TTC19: variants seen among roughly 807,000 people sequenced by gnomAD.
The protein encoded by TTC19 is tetratricopeptide repeat domain 19, also known as tetratricopeptide repeat protein 19, mitochondrial.
TTC19 carries 38 observed loss-of-function variants against 49.5 expected under a neutral mutation model. The ratio of observed to expected loss-of-function variants is 0.77; its 90% CI spans 0.59 to 1.01. The LOEUF is 1.01. Among genes scored for constraint, TTC19 ranks in the 50% least tolerant of loss-of-function variants. The probability of loss-of-function intolerance (pLI) is 0.00; values close to 1 mark genes in which losing one functional copy is unlikely to be tolerated. For missense variants in TTC19, 475 were observed against 477.7 expected (o/e 0.99, Z 0.05); for synonymous variants, 204 against 185.2 (o/e 1.10, Z -0.83).
At chr17:16,016,682 C>G (rs900670071) in intron 7 of TTC19, among the ~76,000 whole-genome samples, 7 of 151,636 alleles carry the variant, frequency 4.6e-5, no homozygotes, top group Admixed American at 4.6e-4. Flanking sequence ...TTCAGCCTCC[C>G]GAGTAGCTGG....
rs200590195 is a variant in TTC19, at chr17:16,003,904, G to A, written c.519+17G>A. On this transcript the variant is annotated intron_variant, in intron 5 of 9. Coordinates refer to ENST00000261647, the MANE Select transcript of TTC19 (RefSeq NM_017775.4). ...ATGAAGCAGGTAAGGACATTGCCTA[G>A]TATTGGCCCCTCACTGAAGCAGTTT... 6.8e-6 allele frequency: 11 copies of A among 1,612,598 alleles called. No individual in the cohort carries two copies. In the African/African-American group the frequency reaches 1.3e-4, roughly 20 times the overall value.
intron 2 of TTC19, among the ~76,000 whole-genome samples, chr17:16,041,502 C>CT (rs2057616335): frequency 6.7e-6 from 1 of 149,078 alleles, no homozygotes; most frequent in East Asian, 1.9e-4. Flanking sequence ...CAACCTCTGC[C>CT]TCCTGGGTTC....
chr17:16,031,504 T>A (rs1971989846), downstream of TTC19: 6 of 205,102 alleles, frequency 2.9e-5, no homozygotes, highest in East Asian at 4.5e-4. Context: ...AAATTACCAG[T>A]GTGCGTAACA....
Position 16,025,077 on chromosome 17 carries a change from A to G in TTC19, c.737A>G (p.Tyr246Cys). 1 of 1,613,896 alleles carries G rather than the reference A, an allele frequency of 6.2e-7. No individual in the cohort carries two copies. The highest frequency in any genetic ancestry group is 8.5e-7 in the Non-Finnish European group (1 of 1,179,822). Residue 246 changes from tyrosine (Y) to cysteine (C), a missense_variant, in exon 8 of 10, where the codon TAC (tyrosine) becomes TGC (cysteine). Coordinates refer to ENST00000261647, the MANE Select transcript of TTC19 (RefSeq NM_017775.4). Reference protein sequence around the residue: ...LGMCLDACARYLLFSKQPSQA... With the variant: ...LGMCLDACARCLLFSKQPSQA... ...ATGTGCTTAGACGCCTGTGCTCGCT[A>G]CCTTCTGTTCTCCAAGCAGCCGTCA...
At chr17:16,030,435 T>A, downstream of TTC19, 1 of 210,070 alleles carries the variant, frequency 4.8e-6, no homozygotes, top group Non-Finnish European at 9.7e-6. Flanking sequence ...TCATAATCTC[T>A]TTTATGGTAG....
downstream of TTC19, chr17:16,030,384 T>G (rs1971815174): frequency 4.7e-6 from 1 of 214,954 alleles, no homozygotes; most frequent in Non-Finnish European, 9.4e-6. Flanking sequence ...GTATTCTGAC[T>G]CAGAATAGCT....
chr17:16,028,639 G>C lies in TTC19; in HGVS notation c.*1117G>C. 1 of 453,724 alleles carries C rather than the reference G, an allele frequency of 2.2e-6. No homozygotes were observed. The highest frequency in any genetic ancestry group is 2.4e-5 in the Admixed American group (1 of 42,520). 28.1% of individuals were successfully genotyped at this position (453,724 alleles called of 1,614,324 possible). A position where few individuals can be genotyped will look rare whatever the true frequency, so the allele number is the denominator to read the frequency against. Reference sequence around the variant, plus strand: ...TTTTAGCCATTTACCTAAGGAAAAAGACAGTTTTTCTAGGTACCATGAAGG... The same window carrying C: ...TTTTAGCCATTTACCTAAGGAAAAACACAGTTTTTCTAGGTACCATGAAGG... On this transcript the variant is annotated 3_prime_UTR_variant, in exon 10 of 10. Coordinates refer to ENST00000261647, the MANE Select transcript of TTC19 (RefSeq NM_017775.4).
At chr17:16,007,516 A>C (rs1222275282) in intron 7 of TTC19, among the ~76,000 whole-genome samples, 2 of 152,124 alleles carry the variant, frequency 1.3e-5, no homozygotes, top group Non-Finnish European at 2.9e-5. Context: ...GCACTTTATG[A>C]CTTCTCTTTG....
Position 16,027,591 on chromosome 17 carries a change from G to C in TTC19, c.*69G>C, listed in dbSNP as rs1318062899. 3 of 1,569,108 alleles carry C rather than the reference G, an allele frequency of 1.9e-6. No homozygotes were observed. In the East Asian group the frequency reaches 6.8e-5, roughly 35 times the overall value. Reference sequence around the variant, plus strand: ...AATAGCTATCATTCCTGTCTCTGTGGCACCCGATCAATGGCTTAAATCTGT... The same window carrying C: ...AATAGCTATCATTCCTGTCTCTGTGCCACCCGATCAATGGCTTAAATCTGT... On this transcript the variant is annotated 3_prime_UTR_variant, in exon 10 of 10. Coordinates refer to ENST00000261647, the MANE Select transcript of TTC19 (RefSeq NM_017775.4).
intron 7 of TTC19, among the ~76,000 whole-genome samples, chr17:16,018,682 T>G (rs995602438): frequency 1.3e-5 from 2 of 151,912 alleles, no homozygotes; most frequent in African/African-American, 4.8e-5. Context: ...AATTTCCGGA[T>G]TTTTTCATAG....
At chr17:16,030,493 G>GA (rs553006446), downstream of TTC19, 1,091 of 181,284 alleles carry the variant, frequency 6.0e-3, no homozygotes, top group East Asian at 0.013. Context: ...ACCAGTACCT[G>GA]AAAAAAAAAA....
chr17:16,026,524 T>C lies in TTC19; in HGVS notation c.832-16T>C. 1 of 1,613,330 alleles carries C rather than the reference T, an allele frequency of 6.2e-7. No individual in the cohort carries two copies. Among genetic ancestry groups the C allele is most frequent in the Non-Finnish European group, 8.5e-7 (1 of 1,179,732 alleles). On this transcript the variant is annotated splice_polypyrimidine_tract_variant and intron_variant, in intron 8 of 9. Transcript: ENST00000261647. ...CATGTTTTTAAAGAAAAAATTGTTT[T>C]TTCTTTTACATACAGACCATTGTGC...
At chr17:16,034,097 TCTTAGAAGTGG>T (rs200658349), downstream of TTC19, among the ~76,000 whole-genome samples, 1,551 of 152,338 alleles carry the variant, frequency 0.01, 32 homozygotes, top group African/African-American at 0.035. Context: ...GGTGAAGTAC[TCTTAGAAGTGG>T]CATGGGTACA....
At position 16,026,200 on chromosome 17, in the gene TTC19, C is replaced by G. The variant is rs1971551610; in HGVS notation, c.832-340C>G. 2.0e-5 allele frequency among the ~76,000 whole-genome samples: 3 copies of G among 152,188 alleles called. No individual in the cohort carries two copies. The South Asian group carries it at 6.2e-4, about 32-fold the overall frequency. On this transcript the variant is annotated intron_variant, in intron 8 of 9. Transcript: ENST00000261647. ...ATCAAACCATAGGAGGCTGGCTTCT[C>G]AAAGTTGCTCAGCCTTAAAGGAGAT... is the stretch of plus-strand genomic sequence containing the variant.
intron 7 of TTC19, among the ~76,000 whole-genome samples, chr17:16,007,696 T>C (rs1161785413): frequency 6.6e-6 from 1 of 152,228 alleles, no homozygotes; most frequent in Non-Finnish European, 1.5e-5. Flanking sequence ...TGGACAAAGA[T>C]GATTCATGTC....
rs577733019 is a variant in TTC19 at position 16,004,226 on chromosome 17, C to T, written c.545C>T (p.Ser182Phe). The T allele has an allele frequency of 5.0e-6, 8 of 1,614,224 alleles. No homozygotes were observed. The South Asian group carries it at 7.7e-5, about 16-fold the overall frequency. ...KQEDNAIIEISLKLASIYAAQ... is the reference protein window; with the variant it reads ...KQEDNAIIEIFLKLASIYAAQ... ...GAGGACAATGCAATAATTGAAATTT[C>T]CCTAAAGCTGGCCAGTATCTATGCT... Residue 182 changes from serine to phenylalanine, a missense_variant, in exon 6 of 10, where the codon TCC becomes TTC. Physicochemically the swap from Ser to Phe is radical, Grantham distance 155. Transcript: ENST00000261647.
chr17:16,000,110 TC>T lies in TTC19; in HGVS notation c.185-5del, dbSNP rs1970671567. ...CGGGCCCGATGACCTCAGAGCCCCT[TC>T]CCGCAGCGCTCGCCTGGTTCTCGAG... On this transcript the variant is annotated splice_region_variant and splice_polypyrimidine_tract_variant and intron_variant, in intron 1 of 9. Transcript: ENST00000261647. 1 of 1,539,766 alleles carries T rather than the reference TC, an allele frequency of 6.5e-7. No homozygotes were observed.
At chr17:16,040,305 C>A (rs1328227547) in intron 2 of TTC19, 1 of 771,070 alleles carries the variant, frequency 1.3e-6, no homozygotes, top group Non-Finnish European at 2.3e-6. Context: ...AACCTTCCTT[C>A]ACTAAATTAT....
chr17:16,032,228 T>A, downstream of TTC19: 1 of 1,448,428 alleles, frequency 6.9e-7, no homozygotes. Flanking sequence ...TTTGACCTGC[T>A]ACTAAAAATT....
Sources: gnomAD v4.1 joint callset for allele counts (sites outside exome capture counted in the v4.1 genomes callset) on GRCh38, gnomAD v4.1.1 for gene constraint, MANE v1.5 for transcripts, NCBI Gene and HGNC (gene_info 2026-07-23, HGNC 2026-07-21) for gene names.